CBL: variants seen among roughly 807,000 people sequenced by gnomAD.
CBL encodes Cbl proto-oncogene.
In CBL, 45 loss-of-function variants were observed where a neutral mutation model predicts 96.9. The ratio of observed to expected loss-of-function variants is 0.46; its 90% CI spans 0.37 to 0.60. The LOEUF (loss-of-function observed/expected upper bound fraction) is 0.60. CBL is among the 20% of genes least tolerant of loss of function. The pLI is 0.00. For missense variants in CBL, 1,024 were observed against 1,143.5 expected, an observed-to-expected ratio of 0.90 and a Z score of 1.51; for synonymous variants, 420 against 426.8, an observed-to-expected ratio of 0.98 and a Z score of 0.20.
rs1006575727 is a variant in CBL at position 119,304,197 on chromosome 11, A to G, written c.*4416A>G. On this transcript the variant is annotated 3_prime_UTR_variant, in exon 16 of 16. Transcript: ENST00000264033. ...CAGACCTTAGAGCTTTAGAAGCTCAATCTAAAATACTGTAACTCAGCATAA... is the reference window on the plus strand; with the variant it reads ...CAGACCTTAGAGCTTTAGAAGCTCAGTCTAAAATACTGTAACTCAGCATAA... 3 of 233,206 alleles carry G rather than the reference A, an allele frequency of 1.3e-5. No homozygotes were observed. Among genetic ancestry groups the G allele is most frequent in the Non-Finnish European group, 2.5e-5 (3 of 118,072 alleles). 14.4% of individuals were successfully genotyped at this position (233,206 alleles called of 1,614,324 possible).
At chr11:119,232,007 T>C (rs1949506149) in intron 1 of CBL, among the ~76,000 whole-genome samples, 1 of 151,786 alleles carries the variant, frequency 6.6e-6, no homozygotes, top group East Asian at 1.9e-4. Context: ...GAGGCTGAAG[T>C]GGGAGGATCA....
intron 6 of CBL, among the ~76,000 whole-genome samples, chr11:119,277,236 G>GACACACACACACACAC (rs1208592651): frequency 1.7e-5 from 1 of 58,776 alleles, no homozygotes; most frequent in African/African-American, 1.2e-4. Context: ...ATAAGAATCT[G>GACACACACACACACAC]TCGCGCACAC....
Position 119,307,327 on chromosome 11 carries a change from T to C in CBL, c.*7546T>C. 4.3e-6 allele frequency: 1 copy of C among 232,970 alleles called. No individual in the cohort carries two copies. The highest frequency in any genetic ancestry group is 8.5e-6 in the Non-Finnish European group (1 of 117,608). 14.4% of individuals were successfully genotyped at this position (232,970 alleles called of 1,614,324 possible). A position where few individuals can be genotyped will look rare whatever the true frequency, so the allele number is the denominator to read the frequency against. ...GTCCTAGCCTTCTGATGACATTAAT[T>C]ACCTAGTTGTGTCGAGGAGTATAGG... On this transcript the variant is annotated 3_prime_UTR_variant, in exon 16 of 16. Coordinates refer to ENST00000264033, the MANE Select transcript of CBL (RefSeq NM_005188.4).
intron 11 of CBL, among the ~76,000 whole-genome samples, chr11:119,286,632 C>A (rs926844278): frequency 6.6e-6 from 1 of 152,048 alleles, no homozygotes; most frequent in East Asian, 1.9e-4. Context: ...AGGAACATCA[C>A]ACTAGATTAG....
At chr11:119,288,813 T>C (rs1270438059) in intron 12 of CBL, among the ~76,000 whole-genome samples, 2 of 152,188 alleles carry the variant, frequency 1.3e-5, no homozygotes, top group Non-Finnish European at 2.9e-5. Flanking sequence ...TACAGAAGCC[T>C]GACTGTGTTT....
At chr11:119,221,831 G>C (rs1409726600) in intron 1 of CBL, among the ~76,000 whole-genome samples, 1 of 151,598 alleles carries the variant, frequency 6.6e-6, no homozygotes, top group Non-Finnish European at 1.5e-5. Flanking sequence ...TTTCTGAGAT[G>C]GAGTTTTTAA....
rs146650854 is a variant in CBL, at chr11:119,306,924, A to G, written c.*7143A>G. Reference sequence around the variant, plus strand: ...ATCTTTTTCCTTTACTCAAAACAAAACAATTTTTAGCACACTGAAAAAAAA... The same window carrying G: ...ATCTTTTTCCTTTACTCAAAACAAAGCAATTTTTAGCACACTGAAAAAAAA... On this transcript the variant is annotated 3_prime_UTR_variant, in exon 16 of 16. Transcript: ENST00000264033. The G allele has an allele frequency of 8.7e-6, 2 of 228,730 alleles. No homozygotes were observed. Among genetic ancestry groups the G allele is most frequent in the Non-Finnish European group, 1.7e-5 (2 of 115,452 alleles). The allele number at this position is 228,730 out of a possible 1,614,324, so 14.2% of individuals were successfully genotyped here.
intron 2 of CBL, among the ~76,000 whole-genome samples, chr11:119,265,910 T>G (rs889325611): frequency 2.0e-5 from 3 of 149,684 alleles, no homozygotes. Flanking sequence ...TAGTCCCAGC[T>G]ACTTGGGAGG....
rs17848897 is a variant in CBL at position 119,285,268 on chromosome 11, C to T, written c.1643C>T (p.Pro548Leu). 3.7e-5 allele frequency: 59 copies of T among 1,614,206 alleles called. No individual in the cohort carries two copies. The East Asian group carries it at 1.2e-3, about 34-fold the overall frequency. The change falls in exon 11 of 16, where the codon CCA becomes CTA. Residue 548 changes from proline to leucine, a missense_variant. Pro to Leu is a moderately conservative substitution (Grantham distance 98). Transcript: ENST00000264033. ...CGAGATCTTCCACCACCACCGCCTC[C>T]AGACCGGCCATATTCTGTTGGAGCA... ...TLRDLPPPPPPDRPYSVGAES... is the reference protein window; with the variant it reads ...TLRDLPPPPPLDRPYSVGAES...
rs1019157730 is a variant in CBL, at chr11:119,304,512, C to T, written c.*4731C>T. ...GAGCTTTGCACCTAGTCCTTTCTCC[C>T]GCTTCACAGTCTGCTTATGGTATAT... is the stretch of plus-strand genomic sequence containing the variant. On this transcript the variant is annotated 3_prime_UTR_variant, in exon 16 of 16. Coordinates refer to ENST00000264033, the MANE Select transcript of CBL (RefSeq NM_005188.4). 6 of 233,014 alleles carry T rather than the reference C, an allele frequency of 2.6e-5. No homozygotes were observed. The highest frequency in any genetic ancestry group is 1.8e-4 in the South Asian group (1 of 5,526). The allele number at this position is 233,014 out of a possible 1,614,324, so 14.4% of individuals were successfully genotyped here.
intron 1 of CBL, among the ~76,000 whole-genome samples, chr11:119,231,190 G>T (rs931525735): frequency 2.6e-5 from 4 of 151,946 alleles, no homozygotes; most frequent in Admixed American, 1.3e-4. Context: ...ATCACCTAAG[G>T]TCAGGCATTC....
chr11:119,226,457 G>A (rs1284342573), intron 1 of CBL, among the ~76,000 whole-genome samples: 2 of 152,092 alleles, frequency 1.3e-5, no homozygotes, highest in South Asian at 2.1e-4. Context: ...CAGAGGTTAA[G>A]AAATTTACTC....
At chr11:119,252,044 A>G (rs1488732205) in intron 2 of CBL, among the ~76,000 whole-genome samples, 1 of 151,662 alleles carries the variant, frequency 6.6e-6, no homozygotes, top group East Asian at 1.9e-4. Flanking sequence ...CTGGCAGCTT[A>G]GTTTTTTTTA....
intron 1 of CBL, among the ~76,000 whole-genome samples, chr11:119,221,117 G>A (rs1949406350): frequency 6.6e-6 from 1 of 151,922 alleles, no homozygotes; most frequent in Non-Finnish European, 1.5e-5. Context: ...GGTAGTGCGC[G>A]CCTGTAGTCT....
rs140046851 is a variant in CBL, at chr11:119,247,777, A to C, written c.443+15082A>C. On this transcript the variant is annotated intron_variant, in intron 2 of 15. Coordinates refer to ENST00000264033, the MANE Select transcript of CBL (RefSeq NM_005188.4). Reference sequence around the variant, plus strand: ...CAGTGAGTCGAGATCATGCCACTGCACTTCAACTTGGGTGACAGAGCAAGG... The same window carrying C: ...CAGTGAGTCGAGATCATGCCACTGCCCTTCAACTTGGGTGACAGAGCAAGG... Among the ~76,000 whole-genome samples the C allele has an allele frequency of 9.2e-5, 14 of 152,358 alleles. No individual in the cohort carries two copies. The East Asian group carries it at 9.6e-4, about 10-fold the overall frequency.
At chr11:119,241,408 T>C (rs1949585775) in intron 2 of CBL, among the ~76,000 whole-genome samples, 1 of 152,208 alleles carries the variant, frequency 6.6e-6, no homozygotes, top group African/African-American at 2.4e-5. Flanking sequence ...AATTCTGCCT[T>C]CTTAGAGGTA....
intron 9 of CBL, 134 bp from the exon 10 acceptor site, chr11:119,284,835 C>T (rs1025758376): frequency 3.1e-5 from 32 of 1,038,370 alleles, no homozygotes; most frequent in Middle Eastern, 6.1e-4. Context: ...AGGGTGTGTG[C>T]GACCTCAAAC....
chr11:119,258,407 G>A (rs1424448755), intron 2 of CBL, among the ~76,000 whole-genome samples: 3 of 152,088 alleles, frequency 2.0e-5, no homozygotes, highest in East Asian at 1.9e-4. Flanking sequence ...ACCATGGCCC[G>A]AGCAGGAGGA....
chr11:119,248,435 T>C (rs1235390364), intron 2 of CBL, among the ~76,000 whole-genome samples: 1 of 152,178 alleles, frequency 6.6e-6, no homozygotes, highest in African/African-American at 2.4e-5. Context: ...TGAAGTTGGA[T>C]CCTTTCCTTA....
Sources: allele counts gnomAD v4.1 joint callset (sites outside exome capture counted in the v4.1 genomes callset), GRCh38; gene constraint gnomAD v4.1.1; transcripts MANE v1.5; gene names NCBI Gene and HGNC (gene_info 2026-07-23, HGNC 2026-07-21).